AHNAK2: variants seen among roughly 807,000 people sequenced by gnomAD.
The protein encoded by AHNAK2 is protein AHNAK2.
In AHNAK2, 18 loss-of-function variants were observed where a neutral mutation model predicts 30.7. The observed-to-expected ratio is 0.59, with a 90% CI of 0.41 to 0.87. The LOEUF is 0.87. Among genes scored for constraint, AHNAK2 ranks in the 40% least tolerant of loss-of-function variants. AHNAK2 has a pLI of 0.00. For missense variants in AHNAK2, 8,604 were observed against 7,373.0 expected, an observed-to-expected ratio of 1.17 and a Z score of -6.11; for synonymous variants, 3,590 against 3,073.8, an observed-to-expected ratio of 1.17 and a Z score of -5.56.
At chr14:104,959,257 C>T (rs1403771907) in intron 1 of AHNAK2, among the ~76,000 whole-genome samples, 1 of 152,208 alleles carries the variant, frequency 6.6e-6, no homozygotes, top group Non-Finnish European at 1.5e-5. Flanking sequence ...ACTGCAACCT[C>T]CGCCTCCCAG....
rs1442126294 is a variant in AHNAK2, at chr14:104,948,904, C to T, written c.6547G>A (p.Val2183Met). The T allele has an allele frequency of 5.0e-6, 8 of 1,602,456 alleles. No homozygotes were observed. The Admixed American group carries it at 5.1e-5, about 10-fold the overall frequency. Reference protein sequence around the residue: ...EASVDVSPPKVEADMSLPSMQ... With the variant: ...EASVDVSPPKMEADMSLPSMQ... ...GAGGGGAGACTCATGTCGGCCTCCA[C>T]CTTGGGTGGAGACACATCCACCGAG... The change falls in exon 7 of 7, where the codon GTG becomes ATG. Residue 2183 changes from valine to methionine, a missense_variant. Val to Met is a conservative substitution (Grantham distance 21). Coordinates refer to ENST00000333244, the MANE Select transcript of AHNAK2 (RefSeq NM_138420.4).
At position 104,966,294 on chromosome 14, in the gene AHNAK2, C is replaced by T. The variant is rs1899300833; in HGVS notation, c.56-8622G>A. Among the ~76,000 whole-genome samples, 1 of 152,142 alleles carries T rather than the reference C, an allele frequency of 6.6e-6. No individual in the cohort carries two copies. On this transcript the variant is annotated intron_variant, in intron 1 of 6. Coordinates refer to ENST00000333244, the MANE Select transcript of AHNAK2 (RefSeq NM_138420.4). The surrounding 1 kb of genome is among the most constrained non-coding windows in gnomAD (Gnocchi z 4.3). ...GGCCTCCATAACCCCCCAGCAGAGC[C>T]ACAACCTCCGTTTCCCCCACCTGCC...
chr14:104,954,275 G>A lies in AHNAK2; in HGVS notation c.1176C>T (p.Ser392=), dbSNP rs757711984. 1.1e-5 allele frequency: 18 copies of A among 1,613,210 alleles called. No individual in the cohort carries two copies. The African/African-American group carries it at 2.1e-4, about 19-fold the overall frequency. Residue 392 remains serine, a synonymous_variant, in exon 7 of 7, where the codon AGC becomes AGT. Coordinates refer to ENST00000333244, the MANE Select transcript of AHNAK2 (RefSeq NM_138420.4). The surrounding 1 kb of genome is among the most constrained non-coding windows in gnomAD (Gnocchi z 4.3). The stretch of plus-strand genomic sequence containing the variant: ...CACCGAGCTCTGTGGGCAATGGCAT[G>A]CTCTGAGCAGGCATCACTTCTCGAT... The part of the protein sequence containing the change: ...EQDREVMPAQ[S]MPLPTELGDP...
chr14:104,941,014 G>T lies in AHNAK2; in HGVS notation c.14437C>A (p.Pro4813Thr), dbSNP rs1164397136. Residue 4813 changes from proline (P) to threonine (T), a missense_variant, in exon 7 of 7, where the codon CCT becomes ACT. Transcript: ENST00000333244. ...ALAPELALEIPSGSQADIPLP... is the reference protein window; with the variant it reads ...ALAPELALEITSGSQADIPLP... ...GGAATATCAGCCTGAGACCCAGAAG[G>T]AATTTCCAGAGCAAGCTCAGGGGCC... The T allele has an allele frequency of 6.2e-7, 1 of 1,613,454 alleles. No individual in the cohort carries two copies. Among genetic ancestry groups the T allele is most frequent in the Admixed American group, 1.7e-5 (1 of 60,020 alleles).
At chr14:104,956,310 G>A (rs975905001) in intron 4 of AHNAK2, among the ~76,000 whole-genome samples, 14 of 152,042 alleles carry the variant, frequency 9.2e-5, no homozygotes, top group Admixed American at 2.6e-4. Flanking sequence ...GGAGAAAATC[G>A]AGGTCTGTAC....
chr14:104,968,824 G>C (rs1899388645), intron 1 of AHNAK2, among the ~76,000 whole-genome samples: 1 of 152,188 alleles, frequency 6.6e-6, no homozygotes, highest in South Asian at 2.1e-4. Flanking sequence ...CAGGTGCTAG[G>C]GCGTGTGTGC....
rs201544991 is a variant in AHNAK2 at position 104,945,996 on chromosome 14, G to A, written c.9455C>T (p.Ser3152Leu). 3.1e-4 allele frequency: 416 copies of A among 1,341,838 alleles called. 134 individuals carry two copies. In the Middle Eastern group the frequency reaches 7.0e-3, roughly 22 times the overall value. 83.1% of individuals were successfully genotyped at this position (1,341,838 alleles called of 1,614,324 possible). A position where few individuals can be genotyped will look rare whatever the true frequency, so the allele number is the denominator to read the frequency against. Residue 3152 changes from serine to leucine, a missense_variant, in exon 7 of 7, where the codon TCG becomes TTG. By Grantham distance (145) the Ser-to-Leu change is moderately radical. Transcript: ENST00000333244. ...KFKMPKFKMP[S>L]FGVSAPGKSI... is the part of the protein sequence containing the mutation. ...CTTGCCTGGGGCAGACACCCCGAAC[G>A]ACGGCATCTTGAACTTGGGCATTTT...
Position 104,953,332 on chromosome 14 carries a change from C to T in AHNAK2, c.2119G>A (p.Ala707Thr), listed in dbSNP as rs1898857476. The T allele has an allele frequency of 3.1e-6, 5 of 1,613,514 alleles. No homozygotes were observed. In the East Asian group the frequency reaches 8.9e-5, roughly 29 times the overall value. ...TGCATGGAGAGGAGGCTCACGTCGG[C>T]CTCCACCTTCGGCGCAGACACATCC... ...SVDVSAPKVE[A>T]DVSLLSMQGD... Residue 707 changes from alanine (A) to threonine (T), a missense_variant, in exon 7 of 7, where the codon GCC becomes ACC. Physicochemically the swap from Ala to Thr is moderately conservative, Grantham distance 58. Transcript: ENST00000333244.
Position 104,941,042 on chromosome 14 carries a change from G to A in AHNAK2, c.14409C>T (p.Ala4803=), listed in dbSNP as rs1897964623. 2.5e-6 allele frequency: 4 copies of A among 1,613,604 alleles called. No individual in the cohort carries two copies. Among genetic ancestry groups the A allele is most frequent in the Non-Finnish European group, 2.5e-6 (3 of 1,179,886 alleles). ...TKYQVTVPRA[A]LAPELALEIP... ...TTTCCAGAGCAAGCTCAGGGGCCAAGGCAGCTCTGGGAACAGTCACCTGGT... is the reference window on the plus strand; with the variant it reads ...TTTCCAGAGCAAGCTCAGGGGCCAAAGCAGCTCTGGGAACAGTCACCTGGT... The change falls in exon 7 of 7, where the codon GCC becomes GCT. Residue 4803 remains alanine (A), a synonymous_variant. Transcript: ENST00000333244.
Position 104,940,745 on chromosome 14 carries a change from C to T in AHNAK2, c.14706G>A (p.Val4902=). The T allele has an allele frequency of 6.2e-7, 1 of 1,612,968 alleles. No individual in the cohort carries two copies. Among genetic ancestry groups the T allele is most frequent in the African/African-American group, 1.3e-5 (1 of 75,052 alleles). ...GCTGGGTGCTTGGCAAGGGGCACTG[C>T]ACTCTTTCTCCAGGGCTAAGAGGAG... is the stretch of plus-strand genomic sequence containing the variant. ...VMSPLSPGER[V]QCPLPSTQLP... The change falls in exon 7 of 7, where the codon GTG becomes GTA. Residue 4902 remains valine, a synonymous_variant. Coordinates refer to ENST00000333244, the MANE Select transcript of AHNAK2 (RefSeq NM_138420.4). This position sits in a 1 kb window ranked among gnomAD's most constrained non-coding sequence, Gnocchi z 4.4.
chr14:104,942,388 G>T lies in AHNAK2; in HGVS notation c.13063C>A (p.Leu4355Met). The change falls in exon 7 of 7, where the codon CTG (leucine) becomes ATG (methionine). Residue 4355 changes from leucine to methionine, a missense_variant. Coordinates refer to ENST00000333244, the MANE Select transcript of AHNAK2 (RefSeq NM_138420.4). ...TCCTCTTGGCCAGCCTGGACCTCCA[G>T]ATCAGCGGAAGGGGGCTGAATGCTG... ...HLSIQPPSAD[L>M]EVQAGQEDVK... 1.2e-6 allele frequency: 2 copies of T among 1,613,124 alleles called. No individual in the cohort carries two copies. The highest frequency in any genetic ancestry group is 2.2e-5 in the South Asian group (2 of 91,054).
intron 1 of AHNAK2, among the ~76,000 whole-genome samples, chr14:104,968,138 C>G (rs2140881006): frequency 6.6e-6 from 1 of 152,360 alleles, no homozygotes; most frequent in South Asian, 2.1e-4. Flanking sequence ...CCCCCACTCC[C>G]CGGGCCCCCC....
Position 104,938,137 on chromosome 14 carries a change from ACT to A in AHNAK2, c.17312_17313del (p.Glu5771ValfsTer11). Reference protein sequence around the residue: ...RVMVTSAARTELILPEQDRKA... With the variant: ...RVMVTSAARTXLILPEQDRKA... ...TTTCTGTCCTGCTCGGGCAGGATTA[ACT>A]CTGTTCTTGCCGCGGATGTCACCAT... On this transcript the variant is annotated frameshift_variant, in exon 7 of 7. Coordinates refer to ENST00000333244, the MANE Select transcript of AHNAK2 (RefSeq NM_138420.4). LOFTEE classifies it low-confidence loss of function (END_TRUNC). The A allele has an allele frequency of 6.2e-7, 1 of 1,613,782 alleles. No homozygotes were observed. The highest frequency in any genetic ancestry group is 8.5e-7 in the Non-Finnish European group (1 of 1,179,852).
chr14:104,959,623 ACT>A (rs1209677924), intron 1 of AHNAK2, among the ~76,000 whole-genome samples: 9 of 152,116 alleles, frequency 5.9e-5, no homozygotes, highest in Admixed American at 3.9e-4. Flanking sequence ...GCAGAGCAAG[ACT>A]CTGTCTCAAA....
chr14:104,941,758 G>C lies in AHNAK2; in HGVS notation c.13693C>G (p.Gln4565Glu), dbSNP rs199558192. Residue 4565 changes from glutamine to glutamate, a missense_variant, in exon 7 of 7, where the codon CAG (glutamine) becomes GAG (glutamate). Transcript: ENST00000333244. ...AGCTTGGGGCCCTTGACGTCCACCT[G>C]GGGGCCCTTGAGGTCCACTTTGGGC... ...KMPKVDLKGP[Q>E]VDVKGPKLDL... The C allele has an allele frequency of 1.0e-4, 169 of 1,613,506 alleles. No homozygotes were observed. The highest frequency in any genetic ancestry group is 2.1e-5 in the Non-Finnish European group (25 of 1,179,848).
In AHNAK2 at chr14:104,953,356, C is replaced by T; in HGVS notation, c.2095G>A (p.Asp699Asn). The change falls in exon 7 of 7, where the codon GAT becomes AAT. Residue 699 changes from aspartate to asparagine, a missense_variant. Transcript: ENST00000333244. ...APGKSMEASVDVSAPKVEADV... is the reference protein window; with the variant it reads ...APGKSMEASVNVSAPKVEADV... ...GCCTCCACCTTCGGCGCAGACACATCCACCGAGGCCTCCATGGACTTGCCT... is the reference window on the plus strand; with the variant it reads ...GCCTCCACCTTCGGCGCAGACACATTCACCGAGGCCTCCATGGACTTGCCT... 6.2e-7 allele frequency: 1 copy of T among 1,613,808 alleles called. No individual in the cohort carries two copies. Among genetic ancestry groups the T allele is most frequent in the South Asian group, 1.1e-5 (1 of 91,080 alleles).
intron 1 of AHNAK2, among the ~76,000 whole-genome samples, chr14:104,964,590 T>A (rs28654371): frequency 6.6e-6 from 1 of 151,860 alleles, no homozygotes; most frequent in Non-Finnish European, 1.5e-5. Flanking sequence ...TAAAAAAAAA[T>A]GCGAGGTATT....
In AHNAK2 at chr14:104,938,819, A is replaced by C. The variant is rs1211132607; in HGVS notation, c.16632T>G (p.Thr5544=). 4 of 1,613,706 alleles carry C rather than the reference A, an allele frequency of 2.5e-6. No individual in the cohort carries two copies. The African/African-American group carries it at 5.3e-5, about 22-fold the overall frequency. ...TGGGAGCCTCTTCTGTGCCCTCCTG[A>C]GTCCTAGAGTGTTGAGTCATTGTTG... ...VYTTMTQHSR[T]QEGTEEAPIQ... is the part of the protein sequence containing the mutation. Residue 5544 remains threonine, a synonymous_variant, in exon 7 of 7, where the codon ACT becomes ACG. Coordinates refer to ENST00000333244, the MANE Select transcript of AHNAK2 (RefSeq NM_138420.4).
Position 104,940,262 on chromosome 14 carries a change from CT to C in AHNAK2, c.15188del (p.Lys5063ArgfsTer23), listed in dbSNP as rs775622484. 2.5e-6 allele frequency: 4 copies of C among 1,613,596 alleles called. No individual in the cohort carries two copies. In the South Asian group the frequency reaches 3.3e-5, roughly 13 times the overall value. On this transcript the variant is annotated frameshift_variant, in exon 7 of 7. Coordinates refer to ENST00000333244, the MANE Select transcript of AHNAK2 (RefSeq NM_138420.4). LOFTEE classifies it low-confidence loss of function (END_TRUNC). This position sits in a 1 kb window ranked among gnomAD's most constrained non-coding sequence, Gnocchi z 4.4. ...CTCCCCTACCACCGTCACTGCTGGC[CT>C]TTTCTGTGTCTTGAAAGCTACCCCC... ...TAGGSFQDTE[K>X]ASSDGGRGGL... is the part of the protein sequence containing the mutation.
Sources: gnomAD v4.1 joint callset for allele counts (sites outside exome capture counted in the v4.1 genomes callset) on GRCh38, gnomAD v4.1.1 for gene constraint, Gnocchi (gnomAD v3.1) non-coding constraint, MANE v1.5 for transcripts, NCBI Gene and HGNC (gene_info 2026-07-23, HGNC 2026-07-21) for gene names.